The following KCNN2 variants were observed in gnomAD, a reference collection of about 807,000 sequenced individuals.
KCNN2 encodes small conductance calcium-activated potassium channel protein 2.
A neutral mutation model predicts 55.5 loss-of-function variants in KCNN2; 24 were observed. That is an observed-to-expected ratio of 0.43 (90% CI 0.31 to 0.61). The LOEUF (loss-of-function observed/expected upper bound fraction) is 0.61, where lower values mean the gene tolerates loss of function less well. KCNN2 is among the 20% of genes least tolerant of loss of function. The pLI, the probability that KCNN2 is intolerant of heterozygous loss-of-function variation, is 0.08. For missense variants in KCNN2, 754 were observed against 853.6 expected, an observed-to-expected ratio of 0.88 and a Z score of 1.45; for synonymous variants, 431 against 336.1, an observed-to-expected ratio of 1.28 and a Z score of -3.09.
intron 4 of KCNN2, among the ~76,000 whole-genome samples, chr5:114,463,755 A>G (rs552923132): frequency 2.0e-5 from 3 of 152,366 alleles, no homozygotes; most frequent in Admixed American, 6.5e-5. Flanking sequence ...ATGGTTCATT[A>G]CATTTGTGAA....
At chr5:114,168,664 T>C (rs896887760) in intron 1 of KCNN2, among the ~76,000 whole-genome samples, 7 of 152,114 alleles carry the variant, frequency 4.6e-5, no homozygotes, top group East Asian at 1.9e-4. Context: ...TGTCAGTGGA[T>C]TGGCACAATG....
intron 2 of KCNN2, among the ~76,000 whole-genome samples, chr5:114,342,120 C>G (rs1425040282): frequency 6.6e-6 from 1 of 152,060 alleles, no homozygotes; most frequent in Admixed American, 6.5e-5. Context: ...CCAGGATGGT[C>G]TCGATCTCCT....
chr5:114,390,994 C>T (rs1389084161), intron 2 of KCNN2, among the ~76,000 whole-genome samples: 1 of 152,082 alleles, frequency 6.6e-6, no homozygotes, highest in Non-Finnish European at 1.5e-5. Context: ...TATACGTAAC[C>T]TTAACTATCA....
chr5:114,427,969 G>A (rs1759678983), intron 3 of KCNN2, among the ~76,000 whole-genome samples: 2 of 152,082 alleles, frequency 1.3e-5, no homozygotes, highest in Non-Finnish European at 2.9e-5. Flanking sequence ...ATCATAATGG[G>A]CATTTGCTCC....
chr5:114,256,974 T>C (rs1754994882), intron 2 of KCNN2, among the ~76,000 whole-genome samples: 1 of 152,212 alleles, frequency 6.6e-6, no homozygotes, highest in Non-Finnish European at 1.5e-5. Flanking sequence ...TAAGTTTTCT[T>C]CTAGGACTTT....
intron 2 of KCNN2, among the ~76,000 whole-genome samples, chr5:114,239,348 G>T (rs1332359003): frequency 6.6e-6 from 1 of 152,198 alleles, no homozygotes; most frequent in African/African-American, 2.4e-5. Flanking sequence ...TAACCGGTGT[G>T]AGGAATAGAG....
chr5:114,411,704 C>G (rs1289858532), intron 3 of KCNN2, among the ~76,000 whole-genome samples: 1 of 152,146 alleles, frequency 6.6e-6, no homozygotes, highest in African/African-American at 2.4e-5. Flanking sequence ...CACCTTTTCT[C>G]TACCTTTTTT....
chr5:114,352,330 G>C (rs1156982535), intron 2 of KCNN2, among the ~76,000 whole-genome samples: 1 of 149,508 alleles, frequency 6.7e-6, no homozygotes, highest in Admixed American at 6.7e-5. Flanking sequence ...TTTTTTTCCT[G>C]GTCAGTCTAC....
At position 114,413,641 on chromosome 5, in the gene KCNN2, T is replaced by A. The variant is rs147316201; in HGVS notation, c.1637+8785T>A. 2.6e-5 allele frequency among the ~76,000 whole-genome samples: 4 copies of A among 152,288 alleles called. No homozygotes were observed. The East Asian group carries it at 7.7e-4, about 29-fold the overall frequency. ...TACCTCCTGAGAGAATAATGAGGAATAGTATTTGTTGGCAAGGGGCTTTGA... is the reference window on the plus strand; with the variant it reads ...TACCTCCTGAGAGAATAATGAGGAAAAGTATTTGTTGGCAAGGGGCTTTGA... On this transcript the variant is annotated intron_variant, in intron 3 of 7. Transcript: ENST00000673685.
At chr5:114,149,141 G>T (rs1313706279) in intron 1 of KCNN2, among the ~76,000 whole-genome samples, 1 of 152,126 alleles carries the variant, frequency 6.6e-6, no homozygotes, top group African/African-American at 2.4e-5. Flanking sequence ...TGTTTAAGAA[G>T]ACGTTTAATA....
chr5:114,452,838 C>T (rs1032586204), intron 3 of KCNN2, among the ~76,000 whole-genome samples: 2 of 152,206 alleles, frequency 1.3e-5, no homozygotes, highest in African/African-American at 4.8e-5. Context: ...TGGCAGTAAG[C>T]TCTTTTCCTT....
chr5:114,150,847 C>T (rs532579862), intron 1 of KCNN2, among the ~76,000 whole-genome samples: 29 of 152,200 alleles, frequency 1.9e-4, no homozygotes, highest in African/African-American at 6.5e-4. Flanking sequence ...CATGGAGAAA[C>T]CTCATCTCTA....
In KCNN2 at chr5:114,421,169, A is replaced by G. The variant is rs112246956; in HGVS notation, c.1637+16313A>G. On this transcript the variant is annotated intron_variant, in intron 3 of 7. Coordinates refer to ENST00000673685, the MANE Select transcript of KCNN2 (RefSeq NM_021614.4). ...TCCTTTTTATAGAATGGTCTTTGCT[A>G]GGAAGGAATAAATCCTGACATATGG... 9.0e-3 allele frequency among the ~76,000 whole-genome samples: 1,370 copies of G among 152,192 alleles called. 22 individuals are homozygous for G. The highest frequency in any genetic ancestry group is 0.031 in the African/African-American group (1,273 of 41,496).
intron 1 of KCNN2, among the ~76,000 whole-genome samples, chr5:114,175,308 T>C (rs1045269141): frequency 1.3e-5 from 2 of 152,184 alleles, no homozygotes; most frequent in African/African-American, 2.4e-5. Context: ...TTGCTGCCAA[T>C]AACTATATAT....
chr5:114,180,780 C>G (rs1436396021), intron 1 of KCNN2, among the ~76,000 whole-genome samples: 2 of 152,154 alleles, frequency 1.3e-5, no homozygotes, highest in Non-Finnish European at 2.9e-5. Flanking sequence ...CCTCAGCCCC[C>G]TTCCTAGTCA....
At chr5:114,193,763 C>T (rs189281830) in intron 1 of KCNN2, among the ~76,000 whole-genome samples, 45 of 152,210 alleles carry the variant, frequency 3.0e-4, no homozygotes, top group Admixed American at 2.9e-3. Context: ...TGCCCCTACC[C>T]TAGAATTCAA....
Position 114,496,000 on chromosome 5 carries a change from A to G in KCNN2, c.2194A>G (p.Ser732Gly). 6.2e-7 allele frequency: 1 copy of G among 1,614,102 alleles called. No individual in the cohort carries two copies. Among genetic ancestry groups the G allele is most frequent in the South Asian group, 1.1e-5 (1 of 91,074 alleles). ...LETKLETLIG[S>G]IHALPGLISQ... ...AACAAAACTAGAGACTTTGATTGGT[A>G]GCATCCACGCCCTCCCTGGGCTCAT... is the stretch of plus-strand genomic sequence containing the variant. Residue 732 changes from serine to glycine, a missense_variant, in exon 8 of 8, where the codon AGC (serine) becomes GGC (glycine). Ser to Gly is a moderately conservative substitution (Grantham distance 56, BLOSUM62 0). Transcript: ENST00000673685.
At chr5:114,192,391 T>G (rs2112564082) in intron 1 of KCNN2, among the ~76,000 whole-genome samples, 1 of 152,282 alleles carries the variant, frequency 6.6e-6, no homozygotes, top group East Asian at 1.9e-4. Flanking sequence ...TCCAAGTACT[T>G]AGGGACTATT....
intron 1 of KCNN2, among the ~76,000 whole-genome samples, chr5:114,111,789 T>C (rs920868202): frequency 2.0e-5 from 3 of 152,162 alleles, no homozygotes; most frequent in African/African-American, 4.8e-5. Flanking sequence ...TACCATCTCA[T>C]GCCAGTTAGA....
Sources: allele counts gnomAD v4.1 joint callset (sites outside exome capture counted in the v4.1 genomes callset), GRCh38; gene constraint gnomAD v4.1.1; transcripts MANE v1.5; gene names NCBI Gene and HGNC (gene_info 2026-07-23, HGNC 2026-07-21).